The following GDPD1 variants were observed in gnomAD, a reference collection of about 807,000 sequenced individuals.
GDPD1 encodes glycerophosphodiester phosphodiesterase domain containing 1, also known as lysophospholipase D GDPD1.
A neutral mutation model predicts 45.1 loss-of-function variants in GDPD1; 28 were observed. The observed-to-expected ratio is 0.62, with a 90% CI of 0.46 to 0.85. GDPD1 has a LOEUF of 0.85. Ranked by LOEUF, GDPD1 falls within the 40% of genes least tolerant of loss-of-function variation. The pLI, the probability that GDPD1 is intolerant of heterozygous loss-of-function variation, is 0.00. For missense variants in GDPD1, 256 were observed against 364.8 expected, an observed-to-expected ratio of 0.70 and a Z score of 2.43; for synonymous variants, 139 against 131.4, an observed-to-expected ratio of 1.06 and a Z score of -0.40.
chr17:59,229,996 C>T (rs546752222), intron 1 of GDPD1, among the ~76,000 whole-genome samples: 4 of 152,116 alleles, frequency 2.6e-5, no homozygotes, highest in South Asian at 4.1e-4. Flanking sequence ...TTATTCTCTG[C>T]TCTTTGGTAT....
At chr17:59,255,850 T>TATATATATATATATATAC (rs1158828340) in intron 4 of GDPD1, among the ~76,000 whole-genome samples, 1 of 74,338 alleles carries the variant, frequency 1.3e-5, no homozygotes, top group Non-Finnish European at 2.3e-5. Flanking sequence ...TATATATATA[T>TATATATATATATATATAC]ACACACGTAT....
rs185514717 is a variant in GDPD1 at position 59,262,417 on chromosome 17, G to A, written c.576+4577G>A. 1.5e-4 allele frequency among the ~76,000 whole-genome samples: 23 copies of A among 152,122 alleles called. No homozygotes were observed. The East Asian group carries it at 3.5e-3, about 23-fold the overall frequency. On this transcript the variant is annotated intron_variant, in intron 6 of 9. Coordinates refer to ENST00000284116, the MANE Select transcript of GDPD1 (RefSeq NM_182569.4). ...ATGGAATATTATTCAGCACTAAAAGGGAATGAACTATTGATACATGCAACG... is the reference window on the plus strand; with the variant it reads ...ATGGAATATTATTCAGCACTAAAAGAGAATGAACTATTGATACATGCAACG...
intron 1 of GDPD1, 76 bp from the exon 2 acceptor site, chr17:59,234,416 A>C: frequency 3.9e-6 from 3 of 764,504 alleles, no homozygotes; most frequent in Non-Finnish European, 6.7e-6. Flanking sequence ...AAGATTCATT[A>C]GGTGTATTTT....
chr17:59,275,058 T>C lies in GDPD1; in HGVS notation c.*1285T>C, dbSNP rs2047472010. 2 of 950,258 alleles carry C rather than the reference T, an allele frequency of 2.1e-6. No individual in the cohort carries two copies. The highest frequency in any genetic ancestry group is 2.0e-5 in the Admixed American group (1 of 49,146). 58.9% of individuals were successfully genotyped at this position (950,258 alleles called of 1,614,324 possible). On this transcript the variant is annotated 3_prime_UTR_variant, in exon 10 of 10. Coordinates refer to ENST00000284116, the MANE Select transcript of GDPD1 (RefSeq NM_182569.4). The stretch of plus-strand genomic sequence containing the variant: ...GGTTTTGCCACGTTGGCCAGACTGG[T>C]CTCGAACTCCTGACCTCAGGTGATC...
In GDPD1 at chr17:59,274,791, A is replaced by C. The variant is rs2047469374; in HGVS notation, c.*1018A>C. Reference sequence around the variant, plus strand: ...AGACTCCGTCTCAAAAAAAGAAAAAAAGAAAAAAAATTGGCAATAGTCTTC... The same window carrying C: ...AGACTCCGTCTCAAAAAAAGAAAAACAGAAAAAAAATTGGCAATAGTCTTC... On this transcript the variant is annotated 3_prime_UTR_variant, in exon 10 of 10. Transcript: ENST00000284116. Among the ~76,000 whole-genome samples, 1 of 151,938 alleles carries C rather than the reference A, an allele frequency of 6.6e-6. No homozygotes were observed. The highest frequency in any genetic ancestry group is 2.4e-5 in the African/African-American group (1 of 41,396).
Position 59,257,340 on chromosome 17 carries a change from A to G in GDPD1, c.486+100A>G, listed in dbSNP as rs372551245. Reference sequence around the variant, plus strand: ...GCATAGATTGATAATGCTCAAGGAAATGTGATACCCTAGGGATCAGCATTG... The same window carrying G: ...GCATAGATTGATAATGCTCAAGGAAGTGTGATACCCTAGGGATCAGCATTG... On this transcript the variant is annotated intron_variant, in intron 5 of 9. Coordinates refer to ENST00000284116, the MANE Select transcript of GDPD1 (RefSeq NM_182569.4). 1.2e-3 allele frequency: 815 copies of G among 661,310 alleles called. 17 individuals carry two copies. The South Asian group carries it at 0.015, about 12-fold the overall frequency. The allele number at this position is 661,310 out of a possible 1,614,324, so 41.0% of individuals were successfully genotyped here. A position where few individuals can be genotyped will look rare whatever the true frequency, so the allele number is the denominator to read the frequency against.
At chr17:59,267,666 G>T (rs549451507) in intron 7 of GDPD1, among the ~76,000 whole-genome samples, 13 of 150,908 alleles carry the variant, frequency 8.6e-5, no homozygotes, top group African/African-American at 3.2e-4. Context: ...TTTTATAGTG[G>T]TTTTTTGTTT....
rs114693363 is a variant in GDPD1, at chr17:59,262,640, T to G, written c.577-4401T>G. Among the ~76,000 whole-genome samples, 6 of 60,540 alleles carry G rather than the reference T, an allele frequency of 9.9e-5. No homozygotes were observed. In the South Asian group the frequency reaches 2.7e-3, roughly 27 times the overall value. The allele number at this position is 60,540 out of a possible 152,430, so 39.7% of individuals were successfully genotyped here. ...TGTATCTTGGTTTTGTTTTTTTTTG[T>G]TTTTTTTTTTTGAGACTCACTCTGT... is the stretch of plus-strand genomic sequence containing the variant. On this transcript the variant is annotated intron_variant, in intron 6 of 9. Coordinates refer to ENST00000284116, the MANE Select transcript of GDPD1 (RefSeq NM_182569.4).
chr17:59,248,150 T>C (rs984042883), intron 3 of GDPD1, among the ~76,000 whole-genome samples: 3 of 151,902 alleles, frequency 2.0e-5, no homozygotes, highest in Admixed American at 2.0e-4. Flanking sequence ...ATAGTCCCAG[T>C]GCTTTTGGAG....
At chr17:59,234,715 G>C (rs972563052) in intron 2 of GDPD1, among the ~76,000 whole-genome samples, 181 bp downstream of exon 2, 8 of 152,034 alleles carry the variant, frequency 5.3e-5, no homozygotes, top group African/African-American at 1.9e-4. Context: ...CAAAGAGTTT[G>C]GCTTCTGTAT....
chr17:59,230,944 T>C (rs987145792), intron 1 of GDPD1, among the ~76,000 whole-genome samples: 6 of 152,234 alleles, frequency 3.9e-5, no homozygotes, highest in African/African-American at 1.4e-4. Context: ...TAGGATATGC[T>C]GATGTAGCAG....
intron 4 of GDPD1, among the ~76,000 whole-genome samples, chr17:59,251,957 T>C (rs1039567236): frequency 2.2e-5 from 3 of 133,406 alleles, no homozygotes; most frequent in African/African-American, 5.8e-5. Flanking sequence ...CAGTGAGCCA[T>C]GATTGTGTCA....
At chr17:59,254,360 CAAAAAA>C (rs1198335465) in intron 4 of GDPD1, among the ~76,000 whole-genome samples, 3 of 62,168 alleles carry the variant, frequency 4.8e-5, no homozygotes, top group African/African-American at 1.0e-4. Context: ...GACTCCGTCT[CAAAAAA>C]AAAAAAAAAA....
At chr17:59,250,009 ACCCTGTCT>A (rs1238595328) in intron 4 of GDPD1, among the ~76,000 whole-genome samples, 1 of 151,788 alleles carries the variant, frequency 6.6e-6, no homozygotes, top group African/African-American at 2.4e-5. Context: ...ACATAGCAAG[ACCCTGTCT>A]CTTAAAAAAA....
chr17:59,247,077 C>T (rs573221979), intron 3 of GDPD1, among the ~76,000 whole-genome samples: 8 of 152,088 alleles, frequency 5.3e-5, no homozygotes, highest in Non-Finnish European at 8.8e-5. Flanking sequence ...CTTTTCCATG[C>T]TTTAAAGAAA....
chr17:59,274,007 TG>T lies in GDPD1; in HGVS notation c.*235del. On this transcript the variant is annotated 3_prime_UTR_variant, in exon 10 of 10. Coordinates refer to ENST00000284116, the MANE Select transcript of GDPD1 (RefSeq NM_182569.4). ...TTTAGAAAGATAATTGGTTATGAGA[TG>T]TAAGTTTTAATTTCTTAATGTGCAT... 1.4e-6 allele frequency: 1 copy of T among 734,652 alleles called. No homozygotes were observed. The highest frequency in any genetic ancestry group is 1.7e-6 in the Non-Finnish European group (1 of 598,976). 45.5% of individuals were successfully genotyped at this position (734,652 alleles called of 1,614,324 possible). A position where few individuals can be genotyped will look rare whatever the true frequency, so the allele number is the denominator to read the frequency against.
rs144131627 is a variant in GDPD1 at position 59,223,989 on chromosome 17, C to T, written c.142+3238C>T. Among the ~76,000 whole-genome samples, 263 of 152,288 alleles carry T rather than the reference C, an allele frequency of 1.7e-3. 1 individual carries two copies. The highest frequency in any genetic ancestry group is 6.1e-3 in the African/African-American group (252 of 41,570). On this transcript the variant is annotated intron_variant, in intron 1 of 9. Coordinates refer to ENST00000284116, the MANE Select transcript of GDPD1 (RefSeq NM_182569.4). ...CTTTTTTTTGAGACAAGTTCTCACT[C>T]TGTCACCCAGGCTGGAGGGCAGTGA...
chr17:59,224,098 T>A (rs2047026767), intron 1 of GDPD1, among the ~76,000 whole-genome samples: 1 of 152,218 alleles, frequency 6.6e-6, no homozygotes, highest in Non-Finnish European at 1.5e-5. Context: ...ACAAATGTGA[T>A]TTTTAAAATA....
intron 4 of GDPD1, among the ~76,000 whole-genome samples, chr17:59,250,995 C>T (rs114093126): frequency 1.3e-5 from 2 of 152,134 alleles, no homozygotes; most frequent in African/African-American, 2.4e-5. Flanking sequence ...CATGAGCCAC[C>T]ACACCTGGCC....
Sources: gnomAD v4.1 joint callset for allele counts (sites outside exome capture counted in the v4.1 genomes callset) on GRCh38, gnomAD v4.1.1 for gene constraint, MANE v1.5 for transcripts, NCBI Gene and HGNC (gene_info 2026-07-23, HGNC 2026-07-21) for gene names.